MOB3B: variants seen among roughly 807,000 people sequenced by gnomAD.
The protein encoded by MOB3B is MOB kinase activator-like 2B.
MOB3B carries 7 observed loss-of-function variants against 18.7 expected under a neutral mutation model. That is an observed-to-expected ratio of 0.37 (90% confidence interval 0.21 to 0.70). The LOEUF is 0.70. MOB3B is among the 30% of genes least tolerant of loss of function. MOB3B has a pLI of 0.52. For missense variants in MOB3B, 253 were observed against 281.3 expected (o/e 0.90, Z 0.72); for synonymous variants, 111 against 99.9 (o/e 1.11, Z -0.66).
At chr9:27,481,515 T>G (rs112493983) in intron 1 of MOB3B, among the ~76,000 whole-genome samples, 2,847 of 135,820 alleles carry the variant, frequency 0.021, 90 homozygotes, top group African/African-American at 0.061. Flanking sequence ...TTTTTTGTTT[T>G]TTTTGTTTTT....
intron 1 of MOB3B, among the ~76,000 whole-genome samples, chr9:27,474,947 T>A (rs149220061): frequency 8.5e-5 from 13 of 152,348 alleles, no homozygotes; most frequent in African/African-American, 3.1e-4. Flanking sequence ...CATGCTTTTG[T>A]ATAATGCTCT....
At chr9:27,429,997 C>T (rs1327200778) in intron 2 of MOB3B, among the ~76,000 whole-genome samples, 1 of 152,154 alleles carries the variant, frequency 6.6e-6, no homozygotes, top group African/African-American at 2.4e-5. Context: ...TCTATGGAGG[C>T]CCTTTGCTCC....
chr9:27,353,452 A>G (rs1821138271), intron 3 of MOB3B, among the ~76,000 whole-genome samples: 1 of 152,176 alleles, frequency 6.6e-6, no homozygotes, highest in African/African-American at 2.4e-5. Context: ...TGGACTCCTG[A>G]GAAACCCCTA....
chr9:27,427,267 T>C (rs888167129), intron 2 of MOB3B, among the ~76,000 whole-genome samples: 1 of 152,198 alleles, frequency 6.6e-6, no homozygotes, highest in Non-Finnish European at 1.5e-5. Flanking sequence ...AAGGAGAAAC[T>C]TCAGGAACTG....
At chr9:27,515,641 A>G (rs1034638219) in intron 1 of MOB3B, among the ~76,000 whole-genome samples, 6 of 152,240 alleles carry the variant, frequency 3.9e-5, no homozygotes, top group Non-Finnish European at 8.8e-5. Context: ...CTGGCTTATC[A>G]TGTTGACAGG....
intron 1 of MOB3B, among the ~76,000 whole-genome samples, chr9:27,465,803 C>T (rs919826502): frequency 6.6e-6 from 1 of 152,182 alleles, no homozygotes; most frequent in East Asian, 1.9e-4. Context: ...GAAGCCACAC[C>T]CTGAGCTCTA....
At chr9:27,405,055 A>G (rs961694257) in intron 2 of MOB3B, among the ~76,000 whole-genome samples, 1 of 83,072 alleles carries the variant, frequency 1.2e-5, no homozygotes, top group African/African-American at 4.5e-5. Flanking sequence ...AGCCATTTGT[A>G]TGTCTTCTTT....
intron 2 of MOB3B, among the ~76,000 whole-genome samples, chr9:27,440,273 C>A (rs1822572962): frequency 6.6e-6 from 1 of 152,154 alleles, no homozygotes; most frequent in East Asian, 1.9e-4. Context: ...TCACAGTGCC[C>A]TTGTCATGGG....
chr9:27,499,485 C>T (rs1819954938), intron 1 of MOB3B, among the ~76,000 whole-genome samples: 1 of 152,158 alleles, frequency 6.6e-6, no homozygotes, highest in African/African-American at 2.4e-5. Context: ...GTTAAGACAT[C>T]TTTATCTGTT....
chr9:27,438,904 A>G (rs1422101957), intron 2 of MOB3B, among the ~76,000 whole-genome samples: 1 of 152,148 alleles, frequency 6.6e-6, no homozygotes, highest in African/African-American at 2.4e-5. Context: ...CAGCAAGTCC[A>G]GGAACCTACC....
intron 3 of MOB3B, among the ~76,000 whole-genome samples, chr9:27,336,023 T>G (rs1004074412): frequency 2.6e-5 from 4 of 152,166 alleles, no homozygotes; most frequent in Non-Finnish European, 4.4e-5. Context: ...CAGACCCAAG[T>G]AAAATGAGAG....
At chr9:27,502,453 C>T (rs1270029894) in intron 1 of MOB3B, among the ~76,000 whole-genome samples, 3 of 152,226 alleles carry the variant, frequency 2.0e-5, no homozygotes, top group African/African-American at 4.8e-5. Context: ...CTCTGAATAA[C>T]TCACAAACTA....
chr9:27,382,087 G>T (rs6475992), intron 2 of MOB3B, among the ~76,000 whole-genome samples: 31 of 152,024 alleles, frequency 2.0e-4, no homozygotes, highest in African/African-American at 6.8e-4. Context: ...ACATTATTTC[G>T]TCTAAGTGTC....
At chr9:27,475,972 C>T (rs1037493338) in intron 1 of MOB3B, among the ~76,000 whole-genome samples, 7 of 152,194 alleles carry the variant, frequency 4.6e-5, no homozygotes, top group Non-Finnish European at 8.8e-5. Context: ...TGAAATCAGG[C>T]CACTGCCCTC....
At chr9:27,426,141 T>C (rs1174063137) in intron 2 of MOB3B, among the ~76,000 whole-genome samples, 1 of 152,168 alleles carries the variant, frequency 6.6e-6, no homozygotes, top group Non-Finnish European at 1.5e-5. Context: ...ATTTTACCTA[T>C]GAGGACACAG....
intron 2 of MOB3B, among the ~76,000 whole-genome samples, chr9:27,449,060 T>C (rs921413257): frequency 6.6e-6 from 1 of 152,212 alleles, no homozygotes; most frequent in African/African-American, 2.4e-5. Context: ...TTCAGTCTTC[T>C]GGAAATCAAG....
chr9:27,467,158 A>G (rs1010753848), intron 1 of MOB3B, among the ~76,000 whole-genome samples: 1 of 152,224 alleles, frequency 6.6e-6, no homozygotes, highest in Non-Finnish European at 1.5e-5. Flanking sequence ...TGAGTCAGAC[A>G]TGTAATTGCA....
At chr9:27,496,088 C>T (rs1158114857) in intron 1 of MOB3B, among the ~76,000 whole-genome samples, 1 of 152,178 alleles carries the variant, frequency 6.6e-6, no homozygotes, top group Non-Finnish European at 1.5e-5. Context: ...TAAGCAATAT[C>T]ACTAAAAACG....
intron 1 of MOB3B, among the ~76,000 whole-genome samples, chr9:27,470,519 G>T (rs950453479): frequency 6.6e-6 from 1 of 152,160 alleles, no homozygotes; most frequent in Non-Finnish European, 1.5e-5. Flanking sequence ...CTACAGTGCT[G>T]TTAGGAAGTG....
Sources: gnomAD v4.1 joint callset for allele counts (sites outside exome capture counted in the v4.1 genomes callset) on GRCh38, gnomAD v4.1.1 for gene constraint, MANE v1.5 for transcripts, NCBI Gene and HGNC (gene_info 2026-07-23, HGNC 2026-07-21) for gene names.